IGFL2: variants seen among roughly 807,000 people sequenced by gnomAD.
IGFL2 encodes IGF like family member 2.
IGFL2 carries 7 observed loss-of-function variants against 13.9 expected under a neutral mutation model. The observed-to-expected ratio is 0.51, with a 90% confidence interval of 0.29 to 0.95. IGFL2 has a LOEUF of 0.95. Among genes scored for constraint, IGFL2 ranks in the 40% least tolerant of loss-of-function variants. The pLI is 0.08. For missense variants in IGFL2, 138 were observed against 147.8 expected, an observed-to-expected ratio of 0.93 and a Z score of 0.34; for synonymous variants, 55 against 55.8, an observed-to-expected ratio of 0.99 and a Z score of 0.07.
chr19:46,084,294 C>A, the IGFL2 span, among the ~76,000 whole-genome samples: 1 of 152,118 alleles, frequency 6.6e-6, no homozygotes, highest in Non-Finnish European at 1.5e-5. Flanking sequence ...TTGTATAAAT[C>A]TATTAAGTTC....
the IGFL2 span, among the ~76,000 whole-genome samples, chr19:46,094,555 A>G: frequency 1.3e-5 from 2 of 151,224 alleles, no homozygotes. Context: ...TCTGGGATAC[A>G]TGTTCAGGAC....
At chr19:46,170,652 ATAAT>A in the IGFL2 span, among the ~76,000 whole-genome samples, 3 of 152,138 alleles carry the variant, frequency 2.0e-5, no homozygotes, top group Non-Finnish European at 4.4e-5. Flanking sequence ...AGGAATATTA[ATAAT>A]TAACAGCCCT....
the IGFL2 span, among the ~76,000 whole-genome samples, chr19:46,183,861 C>G: frequency 2.0e-5 from 3 of 152,074 alleles, no homozygotes; most frequent in Non-Finnish European, 4.4e-5. Flanking sequence ...ACAGGTTTCT[C>G]CTTGTCTTTC....
the IGFL2 span, chr19:46,120,221 C>T: frequency 6.6e-7 from 1 of 1,512,538 alleles, no homozygotes; most frequent in Non-Finnish European, 9.0e-7. Context: ...ATTGAGCCAT[C>T]CCTCTGAAGT....
the IGFL2 span, among the ~76,000 whole-genome samples, chr19:46,085,039 A>G: frequency 6.6e-5 from 10 of 152,230 alleles, no homozygotes; most frequent in Non-Finnish European, 1.0e-4. Flanking sequence ...TTTACTGCCA[A>G]CATACCATGG....
At chr19:46,191,437 G>A in the IGFL2 span, among the ~76,000 whole-genome samples, 1 of 152,216 alleles carries the variant, frequency 6.6e-6, no homozygotes, top group African/African-American at 2.4e-5. Context: ...ATCAGGAAGT[G>A]AGGATGAGGA....
chr19:46,134,361 A>C, the IGFL2 span, among the ~76,000 whole-genome samples: 155 of 152,196 alleles, frequency 1.0e-3, 4 homozygotes, highest in Admixed American at 7.8e-3. Context: ...ACAAAGGAGG[A>C]GGGGGATAGT....
chr19:46,174,410 C>T, the IGFL2 span, among the ~76,000 whole-genome samples: 1 of 152,162 alleles, frequency 6.6e-6, no homozygotes, highest in South Asian at 2.1e-4. Context: ...AAGAACTCTT[C>T]CTCCCTGTTT....
the IGFL2 span, among the ~76,000 whole-genome samples, chr19:46,197,581 G>C: frequency 6.6e-6 from 1 of 152,118 alleles, no homozygotes; most frequent in Non-Finnish European, 1.5e-5. Flanking sequence ...GCTCAGACTG[G>C]AGGGCAGTGG....
chr19:46,107,102 G>A, the IGFL2 span, among the ~76,000 whole-genome samples: 1 of 152,146 alleles, frequency 6.6e-6, no homozygotes, highest in Non-Finnish European at 1.5e-5. Flanking sequence ...GCACCAGAGT[G>A]GGGGAGTTTT....
the IGFL2 span, among the ~76,000 whole-genome samples, chr19:46,172,610 T>TC: frequency 1.3e-5 from 2 of 152,184 alleles, no homozygotes; most frequent in East Asian, 3.8e-4. Context: ...TGCCACTGTG[T>TC]CTAACTTGAA....
At chr19:46,202,118 G>A in the IGFL2 span, among the ~76,000 whole-genome samples, 5 of 152,142 alleles carry the variant, frequency 3.3e-5, no homozygotes, top group Non-Finnish European at 5.9e-5. Flanking sequence ...CAGAGCTTGG[G>A]GTGGAGACTG....
At chr19:46,156,825 T>C (rs1490871125) in intron 1 of IGFL2, among the ~76,000 whole-genome samples, 3 of 151,804 alleles carry the variant, frequency 2.0e-5, no homozygotes, top group Admixed American at 6.6e-5. Context: ...AGAAAAACAG[T>C]CTAGAAAATC....
At chr19:46,078,870 T>C in the IGFL2 span, among the ~76,000 whole-genome samples, 159 of 135,172 alleles carry the variant, frequency 1.2e-3, 1 homozygote, top group Admixed American at 2.2e-3. Context: ...GCGTCGTCAG[T>C]AGACATCGCG....
the IGFL2 span, among the ~76,000 whole-genome samples, chr19:46,097,270 C>A: frequency 6.6e-6 from 1 of 152,154 alleles, no homozygotes; most frequent in Non-Finnish European, 1.5e-5. Flanking sequence ...AGAAATTTGT[C>A]CATTTCTTCT....
chr19:46,124,292 G>A, the IGFL2 span: 1 of 1,610,826 alleles, frequency 6.2e-7, no homozygotes, highest in Non-Finnish European at 8.5e-7. Flanking sequence ...GAACACTGGA[G>A]GAGGAAGACT....
chr19:46,094,739 C>G, the IGFL2 span, among the ~76,000 whole-genome samples: 1 of 152,052 alleles, frequency 6.6e-6, no homozygotes, highest in East Asian at 1.9e-4. Flanking sequence ...TCCATGTGTT[C>G]TAATTGTTCA....
downstream of IGFL2, among the ~76,000 whole-genome samples, chr19:46,161,899 G>A (rs1218190261): frequency 6.6e-6 from 1 of 152,180 alleles, no homozygotes; most frequent in Admixed American, 6.5e-5. Context: ...TTGTGTGGTT[G>A]CTTTATAGTG....
upstream of IGFL2, chr19:46,143,082 C>G (rs1164224782): frequency 6.6e-6 from 1 of 152,104 alleles, no homozygotes; most frequent in African/African-American, 2.4e-5. Flanking sequence ...CTATGCAGGT[C>G]CATTTGTATT....
Sources: allele counts gnomAD v4.1 joint callset (sites outside exome capture counted in the v4.1 genomes callset), GRCh38; gene constraint gnomAD v4.1.1; transcripts MANE v1.5; gene names NCBI Gene and HGNC (gene_info 2026-07-23, HGNC 2026-07-21).